The following CPLANE1 variants were observed in gnomAD, a reference collection of about 807,000 sequenced individuals.
CPLANE1 encodes ciliogenesis and planar polarity effector 1.
Under a neutral mutation model 362.5 loss-of-function variants are expected in CPLANE1, and 263 were observed. That is an observed-to-expected ratio of 0.73 (90% CI 0.66 to 0.80). The LOEUF is 0.80. Among genes scored for constraint, CPLANE1 ranks in the 30% least tolerant of loss-of-function variants. CPLANE1 has a pLI of 0.00. For missense variants in CPLANE1, 3,461 were observed against 3,793.4 expected (o/e 0.91, Z 2.30); for synonymous variants, 1,212 against 1,302.6 (o/e 0.93, Z 1.50).
At chr5:37,185,539 G>A (rs2151187064) in intron 24 of CPLANE1, among the ~76,000 whole-genome samples, 1 of 152,150 alleles carries the variant, frequency 6.6e-6, no homozygotes, top group South Asian at 2.1e-4. Flanking sequence ...TTTCAAGGCT[G>A]CCTATAGAAA....
chr5:37,076,202 A>C, the CPLANE1 span, among the ~76,000 whole-genome samples: 3 of 151,776 alleles, frequency 2.0e-5, no homozygotes, highest in African/African-American at 4.8e-5. Context: ...TGCAGTGGGC[A>C]ATGATCACAC....
chr5:37,093,579 G>A, the CPLANE1 span, among the ~76,000 whole-genome samples: 1 of 152,170 alleles, frequency 6.6e-6, no homozygotes, highest in African/African-American at 2.4e-5. Flanking sequence ...CCCCACTCCT[G>A]GGGGTCACTC....
chr5:37,141,892 T>A, intron 44 of CPLANE1: 7 of 721,056 alleles, frequency 9.7e-6, no homozygotes, highest in Non-Finnish European at 1.2e-5. Flanking sequence ...ACCTCATAGA[T>A]CAGGCTTAAA....
At chr5:37,214,206 T>G (rs536260597) in intron 15 of CPLANE1, among the ~76,000 whole-genome samples, 42 of 152,358 alleles carry the variant, frequency 2.8e-4, no homozygotes, top group Non-Finnish European at 5.4e-4. Context: ...GGCTTACACC[T>G]ATAATCCCAG....
chr5:37,181,107 CTT>C (rs1782560243), intron 26 of CPLANE1, 102 bp from the exon 27 acceptor site: 1 of 948,900 alleles, frequency 1.1e-6, no homozygotes, highest in African/African-American at 1.7e-5. Context: ...GAATAATCCT[CTT>C]ATTCATTTAT....
intron 46 of CPLANE1, 100 bp from the exon 47 acceptor site, chr5:37,125,509 C>T: frequency 8.4e-7 from 1 of 1,193,154 alleles, no homozygotes; most frequent in Non-Finnish European, 1.2e-6. Flanking sequence ...TATTTTGCCC[C>T]ATCTTCAAAA....
At chr5:37,224,410 G>A in intron 13 of CPLANE1, 77 bp from the exon 14 acceptor site, 1 of 1,305,242 alleles carries the variant, frequency 7.7e-7, no homozygotes, top group Non-Finnish European at 1.1e-6. Context: ...TTAAAATCCA[G>A]TTAATGGAGC....
chr5:37,224,255 T>C lies in CPLANE1; in HGVS notation c.2579A>G (p.Lys860Arg), dbSNP rs1795982762. The C allele has an allele frequency of 1.9e-6, 3 of 1,544,244 alleles. No homozygotes were observed. Among genetic ancestry groups the C allele is most frequent in the South Asian group, 1.2e-5 (1 of 83,190 alleles). The change falls in exon 14 of 53, where the codon AAA (lysine) becomes AGA (arginine). Residue 860 changes from lysine to arginine, a missense_variant and splice_region_variant. Lys to Arg is a conservative substitution (Grantham distance 26). This residue lies in a region of CPLANE1 where 3,380 missense variants were observed against 3,666.1 expected (regional missense o/e 0.92). Coordinates refer to ENST00000651892, the MANE Select transcript of CPLANE1 (RefSeq NM_001384732.1). Reference protein sequence around the residue: ...WKKALQEIEEKGGRRTYFLQI... With the variant: ...WKKALQEIEERGGRRTYFLQI... ...CATATTTTTTAACACTCTCTTACCTTTCTCTTCGATTTCTTGTAGAGCTTT... is the reference window on the plus strand; with the variant it reads ...CATATTTTTTAACACTCTCTTACCTCTCTCTTCGATTTCTTGTAGAGCTTT...
At chr5:37,138,172 A>T (rs1768370405) in intron 46 of CPLANE1, among the ~76,000 whole-genome samples, 1 of 152,186 alleles carries the variant, frequency 6.6e-6, no homozygotes, top group Admixed American at 6.5e-5. Context: ...GTGGTTGCCT[A>T]AATAGTTTCA....
the CPLANE1 span, chr5:37,085,409 T>C: frequency 9.0e-7 from 1 of 1,107,008 alleles, no homozygotes; most frequent in South Asian, 1.2e-5. Flanking sequence ...CCGAGGAGGC[T>C]AAGTACAAAT....
intron 18 of CPLANE1, among the ~76,000 whole-genome samples, chr5:37,204,931 C>T (rs1296440319): frequency 2.0e-5 from 3 of 152,100 alleles, no homozygotes; most frequent in South Asian, 2.1e-4. Flanking sequence ...CCAAAGCAGG[C>T]GGATCACCTG....
intron 48 of CPLANE1, among the ~76,000 whole-genome samples, 176 bp downstream of exon 48, chr5:37,122,254 C>A (rs1019583712): frequency 2.6e-5 from 4 of 151,956 alleles, no homozygotes; most frequent in African/African-American, 9.7e-5. Context: ...TATTTGAAAG[C>A]AAATTTGAAA....
At chr5:37,179,471 A>G in intron 28 of CPLANE1, 28 bp from the exon 29 acceptor site, 1 of 1,487,538 alleles carries the variant, frequency 6.7e-7, no homozygotes, top group Non-Finnish European at 9.3e-7. Flanking sequence ...TGAAGAGAAA[A>G]CTGATCATTT....
the CPLANE1 span, among the ~76,000 whole-genome samples, chr5:37,076,877 A>G: frequency 6.7e-6 from 1 of 149,054 alleles, no homozygotes. Flanking sequence ...TGATACTAAA[A>G]CATTTACTGA....
At chr5:37,177,834 T>C (rs1345245804) in intron 29 of CPLANE1, 134 bp from the exon 30 acceptor site, 1 of 682,844 alleles carries the variant, frequency 1.5e-6, no homozygotes, top group Non-Finnish European at 2.6e-6. Context: ...AATCAAACAG[T>C]AAAATGTACT....
intron 38 of CPLANE1, among the ~76,000 whole-genome samples, chr5:37,161,550 T>C (rs1776858110): frequency 6.6e-6 from 1 of 152,144 alleles, no homozygotes; most frequent in South Asian, 2.1e-4. Flanking sequence ...AAATAATATG[T>C]TAAAGATACA....
chr5:37,111,049 C>T (rs1374490964), intron 51 of CPLANE1, among the ~76,000 whole-genome samples: 2 of 151,720 alleles, frequency 1.3e-5, no homozygotes, highest in South Asian at 2.1e-4. Flanking sequence ...CCTCGTGATC[C>T]GCCTGCCTCA....
intron 8 of CPLANE1, among the ~76,000 whole-genome samples, chr5:37,237,398 G>A (rs1003692155): frequency 5.3e-5 from 8 of 152,078 alleles, no homozygotes; most frequent in African/African-American, 1.9e-4. Flanking sequence ...CTAAACAATG[G>A]GTACACATGG....
chr5:37,191,975 G>C (rs1413400241), intron 21 of CPLANE1, among the ~76,000 whole-genome samples: 1 of 152,096 alleles, frequency 6.6e-6, no homozygotes, highest in Non-Finnish European at 1.5e-5. Context: ...GTAGTGTATA[G>C]AAATGTCCGA....
Sources: allele counts gnomAD v4.1 joint callset (sites outside exome capture counted in the v4.1 genomes callset), GRCh38; gene constraint gnomAD v4.1.1; regional missense constraint gnomAD v4.1.1; transcripts MANE v1.5; gene names NCBI Gene and HGNC (gene_info 2026-07-23, HGNC 2026-07-21).